Variants in TLE4 observed in about 807,000 individuals in gnomAD.
TLE4 encodes TLE family member 4, transcriptional corepressor.
In TLE4, 8 loss-of-function variants were observed where a neutral mutation model predicts 92.8. That is an observed-to-expected ratio of 0.09 (90% CI 0.05 to 0.16). The LOEUF (loss-of-function observed/expected upper bound fraction) is 0.16. Ranked by LOEUF, TLE4 falls within the 10% of genes least tolerant of loss-of-function variation. The probability of loss-of-function intolerance (pLI) is 1.00; values close to 1 mark genes in which losing one functional copy is unlikely to be tolerated. For synonymous variants in TLE4, 371 were observed against 374.1 expected, an observed-to-expected ratio of 0.99 and a Z score of 0.10; for missense variants, 675 against 997.6, an observed-to-expected ratio of 0.68 and a Z score of 4.36.
intron 14 of TLE4, among the ~76,000 whole-genome samples, chr9:79,717,059 T>A (rs1174090665): frequency 6.6e-6 from 1 of 152,202 alleles, no homozygotes; most frequent in African/African-American, 2.4e-5. Context: ...TCCACATTCT[T>A]TGGGATTCTG....
intron 16 of TLE4, 43 bp downstream of exon 16, chr9:79,720,336 A>AT (rs773539495): frequency 3.2e-6 from 5 of 1,568,664 alleles, no homozygotes; most frequent in Non-Finnish European, 4.3e-6. Flanking sequence ...GGAGGAGCCG[A>AT]TTTTACCATA....
At position 79,687,904 on chromosome 9, in the gene TLE4, G is replaced by A. The variant is rs557705625; in HGVS notation, c.610-16879G>A. On this transcript the variant is annotated intron_variant, in intron 8 of 19. Coordinates refer to ENST00000376552, the MANE Select transcript of TLE4 (RefSeq NM_007005.6). ...CTCAAACTTTTAATGAGCGTTAAAA[G>A]CACACGATTCAGTAGGTCTGGCAGT... Among the ~76,000 whole-genome samples, 4 of 152,282 alleles carry A rather than the reference G, an allele frequency of 2.6e-5. No homozygotes were observed. In the South Asian group the frequency reaches 8.3e-4, roughly 32 times the overall value.
At chr9:79,595,902 A>G (rs1478430868) in intron 4 of TLE4, among the ~76,000 whole-genome samples, 6 of 145,710 alleles carry the variant, frequency 4.1e-5, no homozygotes, top group Non-Finnish European at 7.4e-5. Context: ...GCTGGAGTGC[A>G]GTGGCACGAT....
intron 4 of TLE4, among the ~76,000 whole-genome samples, chr9:79,597,493 C>G (rs1016044069): frequency 2.0e-5 from 3 of 152,066 alleles, no homozygotes; most frequent in African/African-American, 7.2e-5. Flanking sequence ...CTAGCCCAGA[C>G]CCTTCCTCTG....
At chr9:79,595,864 T>C (rs2043828229) in intron 4 of TLE4, among the ~76,000 whole-genome samples, 2 of 148,964 alleles carry the variant, frequency 1.3e-5, no homozygotes, top group Non-Finnish European at 3.0e-5. Context: ...TTTTTTTTTT[T>C]TTGAGACGGA....
chr9:79,706,553 T>C (rs2071619978), intron 10 of TLE4, among the ~76,000 whole-genome samples, 194 bp from the exon 11 acceptor site: 2 of 152,168 alleles, frequency 1.3e-5, no homozygotes, highest in South Asian at 4.1e-4. Context: ...ATAAGTACTA[T>C]AAATACTATA....
intron 4 of TLE4, among the ~76,000 whole-genome samples, chr9:79,598,248 CA>C (rs11460494): frequency 1.5e-3 from 97 of 62,720 alleles, no homozygotes; most frequent in Admixed American, 5.0e-3. Flanking sequence ...GACTCCGTCT[CA>C]AAAAAAAAAA....
intron 4 of TLE4, among the ~76,000 whole-genome samples, chr9:79,588,384 G>A (rs931997879): frequency 1.3e-4 from 19 of 152,000 alleles, no homozygotes; most frequent in South Asian, 2.1e-4. Flanking sequence ...TCTTGGCCTC[G>A]TGATCCCACC....
At chr9:79,611,303 A>G (rs1290874723) in intron 4 of TLE4, among the ~76,000 whole-genome samples, 2 of 152,004 alleles carry the variant, frequency 1.3e-5, no homozygotes, top group African/African-American at 4.8e-5. Context: ...GTCCTTATTC[A>G]CTGCAGCTTA....
At chr9:79,667,185 G>T (rs113755648) in intron 8 of TLE4, among the ~76,000 whole-genome samples, 118 of 152,296 alleles carry the variant, frequency 7.7e-4, no homozygotes, top group African/African-American at 2.4e-3. Flanking sequence ...CTGGAAGTGG[G>T]CCTGGGGTGT....
intron 4 of TLE4, among the ~76,000 whole-genome samples, chr9:79,588,734 C>T (rs926402477): frequency 6.6e-6 from 1 of 152,166 alleles, no homozygotes; most frequent in Non-Finnish European, 1.5e-5. Flanking sequence ...TGGGAATGTT[C>T]AGGGAACTGT....
chr9:79,610,339 T>TAGA (rs1255343428), intron 4 of TLE4, among the ~76,000 whole-genome samples: 7 of 152,004 alleles, frequency 4.6e-5, no homozygotes, highest in Non-Finnish European at 8.8e-5. Flanking sequence ...CATAGGCCAT[T>TAGA]AGAAGTGTGT....
chr9:79,585,307 T>C (rs921830258), intron 4 of TLE4, among the ~76,000 whole-genome samples: 1 of 152,224 alleles, frequency 6.6e-6, no homozygotes, highest in Non-Finnish European at 1.5e-5. Context: ...AGAGCTTAAA[T>C]AGCTTGCTTG....
intron 4 of TLE4, among the ~76,000 whole-genome samples, chr9:79,610,128 A>G (rs2048030508): frequency 6.6e-6 from 1 of 152,066 alleles, no homozygotes; most frequent in African/African-American, 2.4e-5. Flanking sequence ...TATTCATCAG[A>G]AAGCAGGTCG....
intron 8 of TLE4, among the ~76,000 whole-genome samples, chr9:79,668,212 GATA>G (rs1276309914): frequency 4.6e-5 from 7 of 152,210 alleles, no homozygotes; most frequent in Non-Finnish European, 7.3e-5. Flanking sequence ...AGCTGGGCTG[GATA>G]ATTGTGAAGG....
intron 6 of TLE4, among the ~76,000 whole-genome samples, chr9:79,628,315 T>G (rs1186512397): frequency 6.6e-6 from 1 of 150,794 alleles, no homozygotes; most frequent in Non-Finnish European, 1.5e-5. Context: ...ACAAAAGTCT[T>G]TTTTTTTTCT....
rs1006126350 is a variant in TLE4, at chr9:79,709,503, C to A, written c.1264-120C>A. 40 of 776,778 alleles carry A rather than the reference C, an allele frequency of 5.1e-5. No individual in the cohort carries two copies. The Admixed American group carries it at 9.6e-4, about 19-fold the overall frequency. The allele number at this position is 776,778 out of a possible 1,614,324, so 48.1% of individuals were successfully genotyped here. ...CACCAATAAATACTTCTGTATATAT[C>A]TCTAAAACCTTATTTTTAAAGGATC... On this transcript the variant is annotated intron_variant, in intron 13 of 19. Transcript: ENST00000376552.
intron 8 of TLE4, among the ~76,000 whole-genome samples, chr9:79,668,401 G>GT (rs2061740826): frequency 6.6e-6 from 1 of 152,194 alleles, no homozygotes; most frequent in Non-Finnish European, 1.5e-5. Flanking sequence ...ATGTCGGAAC[G>GT]TATCTAGATG....
chr9:79,667,020 A>C (rs763548093), intron 8 of TLE4, among the ~76,000 whole-genome samples: 59 of 152,240 alleles, frequency 3.9e-4, no homozygotes, highest in Non-Finnish European at 7.5e-4. Context: ...TGCTTTAACC[A>C]CGTGGGTCCT....
Sources: allele counts gnomAD v4.1 joint callset (sites outside exome capture counted in the v4.1 genomes callset), GRCh38; gene constraint gnomAD v4.1.1; transcripts MANE v1.5; gene names NCBI Gene and HGNC (gene_info 2026-07-23, HGNC 2026-07-21).